The following C12orf75 variants were observed in gnomAD, a reference collection of about 807,000 sequenced individuals.
C12orf75 encodes the protein overexpressed in colon carcinoma 1 protein.
A neutral mutation model predicts 11.4 loss-of-function variants in C12orf75; 4 were observed. The ratio of observed to expected loss-of-function variants is 0.35; its 90% confidence interval spans 0.17 to 0.80. The LOEUF (loss-of-function observed/expected upper bound fraction) is 0.80, where lower values mean the gene tolerates loss of function less well. Ranked by LOEUF, C12orf75 falls within the 30% of genes least tolerant of loss-of-function variation. The pLI is 0.52. For missense variants in C12orf75, 89 were observed against 80.4 expected (o/e 1.11, Z -0.41); for synonymous variants, 30 against 30.0 (o/e 1.00, Z 0.00).
chr12:105,333,737 A>T (rs3885378), intron 1 of C12orf75, among the ~76,000 whole-genome samples: 3,937 of 152,316 alleles, frequency 0.026, 201 homozygotes, highest in African/African-American at 0.088. Context: ...ATAACATGAA[A>T]GCACACTGTA....
chr12:105,344,506 G>A (rs145704894), intron 1 of C12orf75, among the ~76,000 whole-genome samples: 4,000 of 152,244 alleles, frequency 0.026, 205 homozygotes, highest in African/African-American at 0.09. Flanking sequence ...ACTTGGGGAG[G>A]CCAAGGCAGG....
intron 1 of C12orf75, among the ~76,000 whole-genome samples, chr12:105,345,589 A>G (rs1204907274): frequency 6.6e-6 from 1 of 151,182 alleles, no homozygotes; most frequent in Non-Finnish European, 1.5e-5. Flanking sequence ...TGTGGGGGGA[A>G]ATCTGTATTC....
rs895956743 is a variant in C12orf75 at position 105,330,719 on chromosome 12, T to C, written c.-173T>C. The C allele has an allele frequency of 5.3e-5, 28 of 526,788 alleles. No homozygotes were observed. The highest frequency in any genetic ancestry group is 3.5e-4 in the African/African-American group (17 of 48,990). The allele number at this position is 526,788 out of a possible 1,614,324, so 32.6% of individuals were successfully genotyped here. On this transcript the variant is annotated 5_prime_UTR_variant, in exon 1 of 6. Coordinates refer to ENST00000443585, the MANE Select transcript of C12orf75 (RefSeq NM_001145199.2). The stretch of plus-strand genomic sequence containing the variant: ...TTCCGCCCGGCAGCCCGCAGCCCGC[T>C]GCGCCCCGGGCCGCGTCTCCCGGCG...
chr12:105,369,203 G>A (rs10778394), intron 5 of C12orf75, among the ~76,000 whole-genome samples: 45,560 of 152,070 alleles, frequency 0.3, 8,370 homozygotes, highest in East Asian at 0.67. Flanking sequence ...GTTTTCTCAT[G>A]GGAGTGTTAG....
At chr12:105,348,446 T>A (rs11112486) in intron 1 of C12orf75, among the ~76,000 whole-genome samples, 156 bp from the exon 2 acceptor site, 26,206 of 150,692 alleles carry the variant, frequency 0.17, 2,651 homozygotes, top group Non-Finnish European at 0.23. Flanking sequence ...AAGATTTGAA[T>A]TTTATGATTT....
At chr12:105,366,795 ATGTAT>A (rs1871492639) in intron 4 of C12orf75, 99 bp downstream of exon 4, 12 of 740,602 alleles carry the variant, frequency 1.6e-5, no homozygotes, top group Non-Finnish European at 2.3e-5. Flanking sequence ...GACTCAACCT[ATGTAT>A]TGGTTGCAGT....
In C12orf75 at chr12:105,330,915, C is replaced by A; in HGVS notation, c.24C>A (p.Ala8=). The A allele has an allele frequency of 8.1e-7, 1 of 1,242,062 alleles. No homozygotes were observed. The highest frequency in any genetic ancestry group is 1.0e-6 in the Non-Finnish European group (1 of 995,366). The allele number at this position is 1,242,062 out of a possible 1,614,324, so 76.9% of individuals were successfully genotyped here. MGCGNST[A]TSAGAGQGPA... The stretch of plus-strand genomic sequence containing the variant: ...CGATGGGCTGCGGGAACTCCACCGC[C>A]ACCAGCGCGGGCGCGGGCCAAGGTG... Residue 8 remains alanine, a synonymous_variant, in exon 1 of 6, where the codon GCC becomes GCA. Coordinates refer to ENST00000443585, the MANE Select transcript of C12orf75 (RefSeq NM_001145199.2).
chr12:105,357,402 C>T (rs1892797262), intron 2 of C12orf75, among the ~76,000 whole-genome samples: 1 of 152,074 alleles, frequency 6.6e-6, no homozygotes, highest in Non-Finnish European at 1.5e-5. Flanking sequence ...TGCCGAGTGT[C>T]AAGCCAACTT....
At chr12:105,348,772 G>GT (rs1396604332) in intron 2 of C12orf75, 146 bp downstream of exon 2, 1 of 497,652 alleles carries the variant, frequency 2.0e-6, no homozygotes, top group Non-Finnish European at 3.5e-6. Context: ...GATGATCGTT[G>GT]TAACTAAAGT....
intron 1 of C12orf75, among the ~76,000 whole-genome samples, chr12:105,338,058 T>G (rs1053750298): frequency 1.4e-4 from 22 of 152,358 alleles, no homozygotes; most frequent in Admixed American, 5.9e-4. Context: ...AAAGGCAGTT[T>G]TACCATGAGC....
Position 105,330,863 on chromosome 12 carries a change from G to C in C12orf75, c.-29G>C. The C allele has an allele frequency of 8.0e-7, 1 of 1,252,752 alleles. No homozygotes were observed. The allele number at this position is 1,252,752 out of a possible 1,614,324, so 77.6% of individuals were successfully genotyped here. ...CCCAGGACCCGCGGCCGAGAGCTCCGGAGCGCGGCTTCCCCGGCCGGCTGC... is the reference window on the plus strand; with the variant it reads ...CCCAGGACCCGCGGCCGAGAGCTCCCGAGCGCGGCTTCCCCGGCCGGCTGC... On this transcript the variant is annotated 5_prime_UTR_variant, in exon 1 of 6. Transcript: ENST00000443585.
chr12:105,367,466 T>C lies in C12orf75; in HGVS notation c.188-6T>C. 1 of 840,818 alleles carries C rather than the reference T, an allele frequency of 1.2e-6. No individual in the cohort carries two copies. The highest frequency in any genetic ancestry group is 1.8e-6 in the Non-Finnish European group (1 of 551,220). The allele number at this position is 840,818 out of a possible 1,614,324, so 52.1% of individuals were successfully genotyped here. A position where few individuals can be genotyped will look rare whatever the true frequency, so the allele number is the denominator to read the frequency against. ...ACATTTAACTTTTCTTAATTTTCTC[T>C]TTAAGATTAGAAGAAAATAACATCA... On this transcript the variant is annotated splice_polypyrimidine_tract_variant and splice_region_variant and intron_variant, in intron 4 of 5. Coordinates refer to ENST00000443585, the MANE Select transcript of C12orf75 (RefSeq NM_001145199.2).
chr12:105,331,795 C>T (rs570345675), intron 1 of C12orf75, among the ~76,000 whole-genome samples: 65 of 152,250 alleles, frequency 4.3e-4, no homozygotes, highest in African/African-American at 1.5e-3. Flanking sequence ...TGAGTAATAA[C>T]TGCTGACCTA....
chr12:105,344,699 T>C (rs1230440047), intron 1 of C12orf75, among the ~76,000 whole-genome samples: 2 of 151,494 alleles, frequency 1.3e-5, no homozygotes, highest in African/African-American at 4.9e-5. Context: ...TGAGCCAAGA[T>C]TGTGCTGCCG....
intron 2 of C12orf75, among the ~76,000 whole-genome samples, chr12:105,359,110 C>T (rs780505260): frequency 6.6e-6 from 1 of 152,156 alleles, no homozygotes; most frequent in African/African-American, 2.4e-5. Flanking sequence ...TTTCTCTTCC[C>T]CTGCGTCGGC....
At chr12:105,332,873 TTTGA>T (rs1892452414) in intron 1 of C12orf75, among the ~76,000 whole-genome samples, 1 of 151,790 alleles carries the variant, frequency 6.6e-6, no homozygotes, top group South Asian at 2.1e-4. Flanking sequence ...TTTATGAATA[TTTGA>T]TTGACTTTTT....
intron 1 of C12orf75, among the ~76,000 whole-genome samples, chr12:105,334,569 T>G (rs149163212): frequency 7.9e-5 from 12 of 152,314 alleles, no homozygotes; most frequent in African/African-American, 2.6e-4. Context: ...TGCAACTATA[T>G]AAAGGATGCA....
At chr12:105,345,412 C>A (rs2136143820) in intron 1 of C12orf75, among the ~76,000 whole-genome samples, 1 of 151,970 alleles carries the variant, frequency 6.6e-6, no homozygotes, top group East Asian at 2.0e-4. Flanking sequence ...ATAGCTTGAA[C>A]CCAGGAGGCG....
At chr12:105,336,465 T>C (rs1892500460) in intron 1 of C12orf75, among the ~76,000 whole-genome samples, 1 of 152,228 alleles carries the variant, frequency 6.6e-6, no homozygotes, top group Non-Finnish European at 1.5e-5. Flanking sequence ...TTTAGAACAG[T>C]GACTCGTATA....
Sources: allele counts gnomAD v4.1 joint callset (sites outside exome capture counted in the v4.1 genomes callset), GRCh38; gene constraint gnomAD v4.1.1; transcripts MANE v1.5; gene names NCBI Gene and HGNC (gene_info 2026-07-23, HGNC 2026-07-21).